MALRD1: variants seen among roughly 807,000 people sequenced by gnomAD.
MALRD1 encodes the protein MAM and LDL receptor class A domain containing 1.
MALRD1 carries 247 observed loss-of-function variants against 242.1 expected under a neutral mutation model. The observed-to-expected ratio is 1.02, with a 90% CI of 0.92 to 1.13. The LOEUF (loss-of-function observed/expected upper bound fraction) is 1.13. Ranked by LOEUF, MALRD1 falls within the 50% of genes most tolerant of loss-of-function variation. MALRD1 has a pLI of 0.00. For synonymous variants in MALRD1, 995 were observed against 866.6 expected, an observed-to-expected ratio of 1.15 and a Z score of -2.60; for missense variants, 2,989 against 2,533.1, an observed-to-expected ratio of 1.18 and a Z score of -3.86.
At chr10:19,543,433 C>CTTTTTTTTTTTTTTTTTTTTTTTTTTT (rs71388849) in intron 32 of MALRD1, among the ~76,000 whole-genome samples, 6 of 106,410 alleles carry the variant, frequency 5.6e-5, no homozygotes, top group African/African-American at 2.0e-4. Context: ...CAGCTGATTT[C>CTTTTTTTTTTTTTTTTTTTTTTTTTTT]TTTTTTTTTT....
intron 28 of MALRD1, among the ~76,000 whole-genome samples, chr10:19,428,883 GC>G (rs1834008062): frequency 6.6e-6 from 1 of 152,016 alleles, no homozygotes; most frequent in Non-Finnish European, 1.5e-5. Context: ...AAGCTCTGAA[GC>G]TCTTTAAAAA....
At chr10:19,584,296 A>G (rs886140723) in intron 33 of MALRD1, among the ~76,000 whole-genome samples, 2 of 151,852 alleles carry the variant, frequency 1.3e-5, no homozygotes, top group Non-Finnish European at 2.9e-5. Context: ...TTGCTTTTCT[A>G]GTTCTTTTAA....
chr10:19,582,848 C>A (rs1286322803), intron 33 of MALRD1, among the ~76,000 whole-genome samples: 1 of 22,538 alleles, frequency 4.4e-5, no homozygotes, highest in East Asian at 9.7e-4. Context: ...ATTCTTCCTA[C>A]CCATGAGCAT....
intron 5 of MALRD1, among the ~76,000 whole-genome samples, chr10:19,121,130 G>A (rs570280112): frequency 1.2e-4 from 16 of 136,776 alleles, no homozygotes; most frequent in South Asian, 7.4e-4. Context: ...TGCAACCTCC[G>A]CCTCCTGGGT....
chr10:19,529,198 C>G (rs950767475), intron 31 of MALRD1, among the ~76,000 whole-genome samples: 1 of 152,092 alleles, frequency 6.6e-6, no homozygotes, highest in South Asian at 2.1e-4. Context: ...ACAAGGCCTG[C>G]CTTCAAGAAA....
rs559954910 is a variant in MALRD1, at chr10:19,728,633, T to A, written c.6315-2073T>A. 10 of 152,530 alleles carry A rather than the reference T, an allele frequency of 6.6e-5. No homozygotes were observed. In the East Asian group the frequency reaches 1.7e-3, roughly 26 times the overall value. The allele number at this position is 152,530 out of a possible 1,614,324, so 9.4% of individuals were successfully genotyped here. A position where few individuals can be genotyped will look rare whatever the true frequency, so the allele number is the denominator to read the frequency against. On this transcript the variant is annotated intron_variant, in intron 38 of 39. Transcript: ENST00000454679. ...TCCTGCTTCCTGATTTCATGCCTGA[T>A]TTCAGCCTCTTAATTTTTCTGAGCT... is the stretch of plus-strand genomic sequence containing the variant.
intron 21 of MALRD1, among the ~76,000 whole-genome samples, chr10:19,292,389 A>G (rs1440146410): frequency 6.6e-6 from 1 of 152,172 alleles, no homozygotes; most frequent in Non-Finnish European, 1.5e-5. Context: ...TTTGCTTAAA[A>G]TGTTAGAACT....
At chr10:19,293,783 C>A (rs1036418484) in intron 21 of MALRD1, among the ~76,000 whole-genome samples, 8 of 152,004 alleles carry the variant, frequency 5.3e-5, no homozygotes, top group Non-Finnish European at 1.2e-4. Context: ...AGGAAGAGAA[C>A]CAGAAAAAAT....
At chr10:19,649,759 G>GTT (rs1480870262) in intron 36 of MALRD1, among the ~76,000 whole-genome samples, 1 of 152,062 alleles carries the variant, frequency 6.6e-6, no homozygotes, top group Non-Finnish European at 1.5e-5. Context: ...TTTTGCCTTT[G>GTT]TTGTGATTGC....
At chr10:19,689,802 T>C (rs1210673906) in intron 36 of MALRD1, among the ~76,000 whole-genome samples, 3 of 152,122 alleles carry the variant, frequency 2.0e-5, no homozygotes, top group African/African-American at 7.2e-5. Context: ...AAAATTGTTA[T>C]GCAGGAGGGG....
In MALRD1 at chr10:19,447,001, T is replaced by C. The variant is rs1476908373; in HGVS notation, c.4846-3306T>C. Among the ~76,000 whole-genome samples, 3 of 150,918 alleles carry C rather than the reference T, an allele frequency of 2.0e-5. No individual in the cohort carries two copies. The East Asian group carries it at 5.9e-4, about 30-fold the overall frequency. On this transcript the variant is annotated intron_variant, in intron 28 of 39. Transcript: ENST00000454679. ...CATATGTGGAATAAAAATTTGGGAA[T>C]TGACTACATAATCACTTTTTAAAAA...
At chr10:19,063,413 G>T (rs1590376245) in intron 1 of MALRD1, among the ~76,000 whole-genome samples, 1 of 152,052 alleles carries the variant, frequency 6.6e-6, no homozygotes, top group Non-Finnish European at 1.5e-5. Context: ...ATACTTTCCA[G>T]AGTTAATCCT....
intron 18 of MALRD1, among the ~76,000 whole-genome samples, chr10:19,220,984 G>T (rs1379091123): frequency 6.6e-6 from 1 of 152,122 alleles, no homozygotes; most frequent in Non-Finnish European, 1.5e-5. Context: ...TTCTCCAGTA[G>T]ATCTCTCAAC....
intron 31 of MALRD1, among the ~76,000 whole-genome samples, chr10:19,504,433 C>G (rs1255047673): frequency 6.6e-6 from 1 of 152,014 alleles, no homozygotes; most frequent in African/African-American, 2.4e-5. Context: ...GAGAGACTCC[C>G]CTACTTCTAC....
intron 5 of MALRD1, among the ~76,000 whole-genome samples, chr10:19,111,687 A>G (rs1033563689): frequency 6.6e-5 from 10 of 152,258 alleles, no homozygotes; most frequent in African/African-American, 2.4e-4. Context: ...ATTGCAAACA[A>G]TGTCATCTCC....
chr10:19,686,605 A>G (rs1439648928), intron 36 of MALRD1, among the ~76,000 whole-genome samples: 1 of 152,090 alleles, frequency 6.6e-6, no homozygotes, highest in Non-Finnish European at 1.5e-5. Context: ...GTGGCCAATT[A>G]TTATTTTAGA....
intron 15 of MALRD1, among the ~76,000 whole-genome samples, 154 bp downstream of exon 15, chr10:19,204,034 G>C (rs1019448219): frequency 1.3e-5 from 2 of 152,186 alleles, no homozygotes; most frequent in Admixed American, 6.5e-5. Context: ...TGCATGGACT[G>C]ATTCCTTTAT....
intron 36 of MALRD1, among the ~76,000 whole-genome samples, chr10:19,689,006 G>C (rs897063987): frequency 1.9e-4 from 29 of 152,084 alleles, no homozygotes; most frequent in African/African-American, 6.5e-4. Context: ...AAGAAGAAGA[G>C]GAAAGAAAAG....
chr10:19,062,068 AC>A (rs1193628585), intron 1 of MALRD1, among the ~76,000 whole-genome samples: 1 of 121,020 alleles, frequency 8.3e-6, no homozygotes, highest in African/African-American at 3.9e-5. Context: ...CGACAGCTCA[AC>A]AACAACAACA....
Sources: gnomAD v4.1 joint callset for allele counts (sites outside exome capture counted in the v4.1 genomes callset) on GRCh38, gnomAD v4.1.1 for gene constraint, MANE v1.5 for transcripts, NCBI Gene and HGNC (gene_info 2026-07-23, HGNC 2026-07-21) for gene names.